SATB2: variants seen among roughly 807,000 people sequenced by gnomAD.
SATB2 encodes the protein SATB homeobox 2.
SATB2 carries 1 observed loss-of-function variant against 73.4 expected under a neutral mutation model. The ratio of observed to expected loss-of-function variants is 0.01; its 90% confidence interval spans 0.00 to 0.06. The LOEUF (loss-of-function observed/expected upper bound fraction) is 0.06, where lower values mean the gene tolerates loss of function less well. Among genes scored for constraint, SATB2 ranks in the 10% least tolerant of loss-of-function variants. SATB2 has a pLI of 1.00. For synonymous variants in SATB2, 397 were observed against 367.0 expected (o/e 1.08, Z -0.93); for missense variants, 459 against 945.8 (o/e 0.49, Z 6.75).
intron 3 of SATB2, among the ~76,000 whole-genome samples, chr2:199,414,582 G>A (rs1040312344): frequency 6.6e-6 from 1 of 152,176 alleles, no homozygotes; most frequent in African/African-American, 2.4e-5. Flanking sequence ...TGTGACAGCA[G>A]GAGTGAGCTG....
intron 10 of SATB2, among the ~76,000 whole-genome samples, chr2:199,294,632 C>T (rs934144004): frequency 7.9e-5 from 12 of 152,124 alleles, no homozygotes; most frequent in African/African-American, 2.9e-4. Context: ...TTGACATTGG[C>T]CCACCACAAT....
chr2:199,448,762 T>C (rs947651498), intron 2 of SATB2, among the ~76,000 whole-genome samples: 1 of 152,190 alleles, frequency 6.6e-6, no homozygotes, highest in African/African-American at 2.4e-5. Context: ...TGGATCCCTT[T>C]TGATAAATAG....
chr2:199,429,361 C>T (rs546463230), intron 3 of SATB2, among the ~76,000 whole-genome samples: 3 of 152,196 alleles, frequency 2.0e-5, no homozygotes, highest in Non-Finnish European at 4.4e-5. Flanking sequence ...CTTCATCCTT[C>T]TTCCATGCAT....
chr2:199,417,684 T>C (rs188383043), intron 3 of SATB2, among the ~76,000 whole-genome samples: 133 of 152,286 alleles, frequency 8.7e-4, no homozygotes, highest in Middle Eastern at 3.4e-3. Flanking sequence ...CATTTGTCAT[T>C]AGTTAAGGAT....
chr2:199,441,661 C>T (rs1328752036), intron 2 of SATB2, among the ~76,000 whole-genome samples: 3 of 152,140 alleles, frequency 2.0e-5, no homozygotes, highest in Non-Finnish European at 4.4e-5. Context: ...CACTGACCAC[C>T]CCGAAGGATC....
At chr2:199,357,041 A>C (rs1689007596) in intron 6 of SATB2, among the ~76,000 whole-genome samples, 1 of 152,182 alleles carries the variant, frequency 6.6e-6, no homozygotes, top group African/African-American at 2.4e-5. Context: ...AAACCTGTTA[A>C]TGGAAGATTC....
intron 3 of SATB2, among the ~76,000 whole-genome samples, chr2:199,417,348 C>T (rs1048910251): frequency 6.6e-6 from 1 of 152,112 alleles, no homozygotes; most frequent in Non-Finnish European, 1.5e-5. Flanking sequence ...AACGCATCCC[C>T]AGAGGAAATC....
At chr2:199,377,194 G>A (rs1348906204) in intron 5 of SATB2, among the ~76,000 whole-genome samples, 1 of 152,060 alleles carries the variant, frequency 6.6e-6, no homozygotes, top group Non-Finnish European at 1.5e-5. Flanking sequence ...GGCTAACATG[G>A]TGAAATCACG....
chr2:199,326,690 G>A (rs1404409701), intron 8 of SATB2, among the ~76,000 whole-genome samples: 2 of 152,024 alleles, frequency 1.3e-5, no homozygotes, highest in African/African-American at 2.4e-5. Context: ...CAAAAATATT[G>A]ATGAATTTAG....
intron 3 of SATB2, among the ~76,000 whole-genome samples, chr2:199,421,504 C>A (rs1309067261): frequency 6.6e-6 from 1 of 152,182 alleles, no homozygotes; most frequent in Non-Finnish European, 1.5e-5. Flanking sequence ...CATCCTACTG[C>A]ACACAGCAAA....
In SATB2 at chr2:199,455,939, C is replaced by T; in HGVS notation, c.99G>A (p.Arg33=). The T allele has an allele frequency of 1.3e-6, 2 of 1,537,894 alleles. No homozygotes were observed. Among genetic ancestry groups the T allele is most frequent in the Middle Eastern group, 1.9e-4 (1 of 5,178 alleles). ...CCATGGGGCTGCCGTTCTGCTCCAG[C>T]CGGGCCACCTTCACTGGGGGAGGCC... ...VKGPPPVKVA[R]LEQNGSPMGA... The change falls in exon 2 of 11, where the codon CGG becomes CGA. Residue 33 remains arginine, a synonymous_variant. Transcript: ENST00000417098. The surrounding 1 kb of genome is among the most constrained non-coding windows in gnomAD (Gnocchi z 4.1).
rs1558995320 is a variant in SATB2, at chr2:199,349,193, A to AT, written c.701-21dup. On this transcript the variant is annotated intron_variant, in intron 6 of 10. Coordinates refer to ENST00000417098, the MANE Select transcript of SATB2 (RefSeq NM_001172509.2). ...TTTCCACTGTTAAGAGATAAAAGTG[A>AT]TAATTAATCATTATTTTCATTGGTA... is the stretch of plus-strand genomic sequence containing the variant. The AT allele has an allele frequency of 1.3e-6, 2 of 1,525,442 alleles. No homozygotes were observed. The allele number at this position is 1,525,442 out of a possible 1,614,324, so 94.5% of individuals were successfully genotyped here.
intron 7 of SATB2, among the ~76,000 whole-genome samples, chr2:199,330,828 G>T (rs972979488): frequency 2.0e-5 from 3 of 152,084 alleles, no homozygotes; most frequent in South Asian, 2.1e-4. Flanking sequence ...GATATTTTTT[G>T]AGTTTTCTTT....
chr2:199,329,620 G>C (rs1027836636), intron 7 of SATB2, among the ~76,000 whole-genome samples: 6 of 152,046 alleles, frequency 3.9e-5, no homozygotes, highest in Admixed American at 6.6e-5. Context: ...CTCTGGCGAG[G>C]GGCTGAGCAC....
Position 199,271,046 on chromosome 2 carries a change from TG to T in SATB2, c.*1164del, listed in dbSNP as rs1692139354. The T allele has an allele frequency of 1.3e-5, 2 of 152,456 alleles. No homozygotes were observed. Among genetic ancestry groups the T allele is most frequent in the South Asian group, 4.1e-4 (2 of 4,832 alleles). The allele number at this position is 152,456 out of a possible 1,614,324, so 9.4% of individuals were successfully genotyped here. A position where few individuals can be genotyped will look rare whatever the true frequency, so the allele number is the denominator to read the frequency against. On this transcript the variant is annotated 3_prime_UTR_variant, in exon 11 of 11. Coordinates refer to ENST00000417098, the MANE Select transcript of SATB2 (RefSeq NM_001172509.2). Reference sequence around the variant, plus strand: ...TTATTTGAGAGGGAGCCCCTTTAACTGGGCAGCAACTTCTTTTCTAACTTAA... The same window carrying T: ...TTATTTGAGAGGGAGCCCCTTTAACTGGCAGCAACTTCTTTTCTAACTTAA...
At chr2:199,446,269 G>C (rs184189297) in intron 2 of SATB2, among the ~76,000 whole-genome samples, 1 of 151,990 alleles carries the variant, frequency 6.6e-6, no homozygotes, top group Non-Finnish European at 1.5e-5. Context: ...CAGGGGAGAG[G>C]GACAGAAAAG....
intron 8 of SATB2, 126 bp downstream of exon 8, chr2:199,328,572 G>A (rs564176479): frequency 1.5e-4 from 103 of 668,428 alleles, no homozygotes; most frequent in Middle Eastern, 4.2e-4. Flanking sequence ...AATAAAATAA[G>A]AAAAGAAAAA....
intron 3 of SATB2, among the ~76,000 whole-genome samples, chr2:199,412,595 C>G (rs1690854092): frequency 6.6e-6 from 1 of 152,170 alleles, no homozygotes; most frequent in Non-Finnish European, 1.5e-5. Context: ...CTCTCCCCAA[C>G]TAGGTAATAA....
chr2:199,300,111 C>A lies in SATB2; in HGVS notation c.1740+8649G>T, dbSNP rs749486803. 2.6e-5 allele frequency among the ~76,000 whole-genome samples: 4 copies of A among 151,074 alleles called. No homozygotes were observed. The East Asian group carries it at 7.9e-4, about 30-fold the overall frequency. On this transcript the variant is annotated intron_variant, in intron 10 of 10. Transcript: ENST00000417098. ...TTTCACAAAATGTACTAGTCACTGC[C>A]TTCTTTTAGGTGTAAAGAGTGTTTC...
Sources: allele counts gnomAD v4.1 joint callset (sites outside exome capture counted in the v4.1 genomes callset), GRCh38; gene constraint gnomAD v4.1.1; non-coding constraint Gnocchi (gnomAD v3.1); transcripts MANE v1.5; gene names NCBI Gene and HGNC (gene_info 2026-07-23, HGNC 2026-07-21).